Variants in DLG1 observed in about 807,000 individuals in gnomAD.
DLG1 encodes discs large MAGUK scaffold protein 1.
A neutral mutation model predicts 123.4 loss-of-function variants in DLG1; 42 were observed. That is an observed-to-expected ratio of 0.34 (90% confidence interval 0.27 to 0.44). The LOEUF (loss-of-function observed/expected upper bound fraction) is 0.44. Ranked by LOEUF, DLG1 falls within the 20% of genes least tolerant of loss-of-function variation. The pLI is 1.00. For synonymous variants in DLG1, 317 were observed against 356.2 expected (o/e 0.89, Z 1.24); for missense variants, 942 against 1,082.6 (o/e 0.87, Z 1.82).
chr3:197,289,802 A>G (rs1346627216), intron 3 of DLG1, among the ~76,000 whole-genome samples: 1 of 152,242 alleles, frequency 6.6e-6, no homozygotes, highest in Non-Finnish European at 1.5e-5. Context: ...ATAAAATTTA[A>G]AAGTTTGTAC....
intron 5 of DLG1, among the ~76,000 whole-genome samples, chr3:197,179,088 T>C (rs971394793): frequency 6.6e-6 from 1 of 152,134 alleles, no homozygotes; most frequent in Non-Finnish European, 1.5e-5. Context: ...AGCAAGATTA[T>C]TTATTTGAGA....
intron 4 of DLG1, among the ~76,000 whole-genome samples, chr3:197,273,032 GT>G (rs1764572547): frequency 6.6e-6 from 1 of 152,052 alleles, no homozygotes; most frequent in Non-Finnish European, 1.5e-5. Flanking sequence ...GTCATTCCAT[GT>G]TCTTTTTCTT....
intron 24 of DLG1, among the ~76,000 whole-genome samples, chr3:197,046,460 T>C (rs544888731): frequency 5.3e-5 from 8 of 152,324 alleles, no homozygotes; most frequent in Admixed American, 4.6e-4. Context: ...CCTCCTTGCA[T>C]GATACACAGA....
At chr3:197,184,484 T>G (rs977034774) in intron 5 of DLG1, among the ~76,000 whole-genome samples, 1 of 152,250 alleles carries the variant, frequency 6.6e-6, no homozygotes, top group African/African-American at 2.4e-5. Context: ...TCAAAGGTGC[T>G]GCCTACATTA....
At chr3:197,053,079 T>C (rs953510498) in intron 23 of DLG1, among the ~76,000 whole-genome samples, 1 of 152,230 alleles carries the variant, frequency 6.6e-6, no homozygotes, top group Non-Finnish European at 1.5e-5. Flanking sequence ...TAATCTGGAA[T>C]GAAGGTGTAA....
chr3:197,270,944 A>C (rs1344015349), intron 4 of DLG1, among the ~76,000 whole-genome samples: 1 of 152,248 alleles, frequency 6.6e-6, no homozygotes, highest in Non-Finnish European at 1.5e-5. Flanking sequence ...ACAAATAAAG[A>C]ATGTGTGATA....
intron 14 of DLG1, among the ~76,000 whole-genome samples, chr3:197,096,399 C>T (rs1372064808): frequency 6.6e-6 from 1 of 152,178 alleles, no homozygotes; most frequent in Non-Finnish European, 1.5e-5. Flanking sequence ...TATGTGCTTT[C>T]CTCACCAGCC....
At chr3:197,130,354 A>T (rs1216192405) in intron 11 of DLG1, among the ~76,000 whole-genome samples, 173 bp downstream of exon 11, 1 of 152,224 alleles carries the variant, frequency 6.6e-6, no homozygotes, top group Non-Finnish European at 1.5e-5. Flanking sequence ...TTCTAATTAT[A>T]AAAATTTTGA....
At chr3:197,298,907 A>G (rs1579667919), upstream of DLG1, 1 of 252,958 alleles carries the variant, frequency 4.0e-6, no homozygotes, top group Non-Finnish European at 7.5e-6. Flanking sequence ...CGAGTATGGT[A>G]TACTTAAGGG....
At chr3:197,210,145 A>T (rs1013938556) in intron 4 of DLG1, among the ~76,000 whole-genome samples, 4 of 145,970 alleles carry the variant, frequency 2.7e-5, no homozygotes, top group African/African-American at 9.7e-5. Flanking sequence ...AACTATTAAC[A>T]AACTTTACAA....
intron 2 of DLG1, 22 bp from the exon 3 acceptor site, chr3:197,296,499 T>G: frequency 6.2e-7 from 1 of 1,608,980 alleles, no homozygotes; most frequent in Non-Finnish European, 8.5e-7. Flanking sequence ...AAGCAGAGCC[T>G]GATTAAAACT....
chr3:197,285,559 A>C (rs1178487453), intron 3 of DLG1, among the ~76,000 whole-genome samples: 1 of 152,142 alleles, frequency 6.6e-6, no homozygotes, highest in Non-Finnish European at 1.5e-5. Context: ...ATTCTTTAAG[A>C]CTCAACAATA....
At chr3:197,232,087 T>A (rs1475958729) in intron 4 of DLG1, among the ~76,000 whole-genome samples, 2 of 152,174 alleles carry the variant, frequency 1.3e-5, no homozygotes, top group Non-Finnish European at 2.9e-5. Flanking sequence ...TATTTATAAA[T>A]CTGTTCTAAA....
intron 4 of DLG1, among the ~76,000 whole-genome samples, chr3:197,213,678 C>G (rs1365331363): frequency 2.6e-5 from 4 of 152,084 alleles, no homozygotes; most frequent in Admixed American, 2.0e-4. Flanking sequence ...ATGTAAAGGG[C>G]CAATCTCTAT....
At chr3:197,143,546 G>A (rs920154860) in intron 6 of DLG1, among the ~76,000 whole-genome samples, 3 of 152,088 alleles carry the variant, frequency 2.0e-5, no homozygotes, top group Non-Finnish European at 2.9e-5. Context: ...GTGAGCCACC[G>A]TGCCTGGCAA....
intron 17 of DLG1, among the ~76,000 whole-genome samples, chr3:197,078,808 G>T (rs191484603): frequency 0.011 from 1,606 of 152,144 alleles, 32 homozygotes; most frequent in African/African-American, 0.037. Flanking sequence ...TGATACAACT[G>T]ATGTGTTTTT....
rs560570364 is a variant in DLG1 at position 197,186,848 on chromosome 3, G to A, written c.483+7577C>T. ...CTGCCTCAGCCACCCACGTAGCTGAGGTTACCACCATGCCCAGTTTACTAA... is the reference window on the plus strand; with the variant it reads ...CTGCCTCAGCCACCCACGTAGCTGAAGTTACCACCATGCCCAGTTTACTAA... On this transcript the variant is annotated intron_variant, in intron 5 of 24. Transcript: ENST00000667157. Among the ~76,000 whole-genome samples, 7 of 152,176 alleles carry A rather than the reference G, an allele frequency of 4.6e-5. No homozygotes were observed. The South Asian group carries it at 1.2e-3, about 27-fold the overall frequency.
intron 4 of DLG1, among the ~76,000 whole-genome samples, chr3:197,213,785 A>C (rs549591935): frequency 3.2e-4 from 49 of 152,326 alleles, no homozygotes; most frequent in African/African-American, 8.2e-4. Flanking sequence ...TTTTCCAAGA[A>C]AATAATCTAT....
chr3:197,097,242 G>A (rs1483829718), intron 14 of DLG1, among the ~76,000 whole-genome samples: 2 of 152,154 alleles, frequency 1.3e-5, no homozygotes, highest in African/African-American at 4.8e-5. Context: ...ATATCTTAGT[G>A]TAGATTCCTT....
Sources: allele counts gnomAD v4.1 joint callset (sites outside exome capture counted in the v4.1 genomes callset), GRCh38; gene constraint gnomAD v4.1.1; transcripts MANE v1.5; gene names NCBI Gene and HGNC (gene_info 2026-07-23, HGNC 2026-07-21).